The following ANKRD30A variants were observed in gnomAD, a reference collection of about 807,000 sequenced individuals.
The protein encoded by ANKRD30A is ankyrin repeat domain-containing protein 30A.
ANKRD30A carries 170 observed loss-of-function variants against 166.3 expected under a neutral mutation model. That is an observed-to-expected ratio of 1.02 (90% CI 0.90 to 1.16). The LOEUF is 1.16. Ranked by LOEUF, ANKRD30A falls within the 50% of genes most tolerant of loss-of-function variation. The pLI is 0.00. For missense variants in ANKRD30A, 1,630 were observed against 1,518.0 expected, an observed-to-expected ratio of 1.07 and a Z score of -1.23; for synonymous variants, 564 against 508.9, an observed-to-expected ratio of 1.11 and a Z score of -1.46.
the ANKRD30A span, chr10:37,248,308 A>G: frequency 2.2e-6 from 1 of 447,370 alleles, no homozygotes; most frequent in Non-Finnish European, 4.4e-6. Flanking sequence ...AGTTCTGGTC[A>G]TCTGCCTATG....
At chr10:37,246,993 G>T in the ANKRD30A span, among the ~76,000 whole-genome samples, 2 of 152,098 alleles carry the variant, frequency 1.3e-5, no homozygotes, top group Non-Finnish European at 2.9e-5. Context: ...GACCGAGGTG[G>T]GTGGATCACT....
At chr10:37,238,327 A>T in the ANKRD30A span, among the ~76,000 whole-genome samples, 1 of 152,062 alleles carries the variant, frequency 6.6e-6, no homozygotes, top group South Asian at 2.1e-4. Flanking sequence ...CCATTTATTT[A>T]TTTTTTTAAA....
intron 13 of ANKRD30A, among the ~76,000 whole-genome samples, chr10:37,158,049 A>G (rs1838519151): frequency 6.6e-6 from 1 of 152,072 alleles, no homozygotes; most frequent in African/African-American, 2.4e-5. Flanking sequence ...GGGGTGTGGC[A>G]TGACTTGGTC....
At chr10:37,161,703 A>G (rs536002847) in intron 15 of ANKRD30A, among the ~76,000 whole-genome samples, 1 of 152,208 alleles carries the variant, frequency 6.6e-6, no homozygotes, top group Non-Finnish European at 1.5e-5. Context: ...CTCTGTTACA[A>G]TCAGGGAAGA....
intron 13 of ANKRD30A, among the ~76,000 whole-genome samples, chr10:37,154,808 C>A (rs541320476): frequency 3.9e-5 from 6 of 152,084 alleles, no homozygotes; most frequent in Non-Finnish European, 5.9e-5. Context: ...CTGCAGAATG[C>A]TAGAGTGTGG....
intron 18 of ANKRD30A, among the ~76,000 whole-genome samples, chr10:37,165,639 G>A (rs1241674403): frequency 6.6e-6 from 1 of 152,030 alleles, no homozygotes; most frequent in Non-Finnish European, 1.5e-5. Flanking sequence ...AGATCTGAAG[G>A]AACATTTCAG....
chr10:37,258,198 C>T, the ANKRD30A span, among the ~76,000 whole-genome samples: 1 of 152,092 alleles, frequency 6.6e-6, no homozygotes, highest in Non-Finnish European at 1.5e-5. Flanking sequence ...CAGAAAGATT[C>T]TATATTGTAA....
the ANKRD30A span, among the ~76,000 whole-genome samples, chr10:37,258,839 T>G: frequency 6.6e-6 from 1 of 151,420 alleles, no homozygotes; most frequent in East Asian, 2.0e-4. Flanking sequence ...GGTGGACACC[T>G]GTAGTCCCAG....
At chr10:37,235,371 A>G (rs1160032238), downstream of ANKRD30A, among the ~76,000 whole-genome samples, 2 of 152,162 alleles carry the variant, frequency 1.3e-5, no homozygotes, top group Non-Finnish European at 2.9e-5. Context: ...CAAACCACCA[A>G]GTATAATTGC....
intron 25 of ANKRD30A, among the ~76,000 whole-genome samples, chr10:37,192,156 G>A: frequency 6.6e-6 from 1 of 151,918 alleles, no homozygotes; most frequent in East Asian, 1.9e-4. Context: ...GGCACCTCAG[G>A]CACCCAAGTA....
intron 31 of ANKRD30A, among the ~76,000 whole-genome samples, chr10:37,211,542 A>C (rs1356783491): frequency 1.1e-3 from 157 of 142,866 alleles, no homozygotes; most frequent in African/African-American, 1.3e-3. Flanking sequence ...ATTGTTGGAC[A>C]TTTGTGTTGG....
At chr10:37,232,904 A>T (rs544517435), downstream of ANKRD30A, among the ~76,000 whole-genome samples, 1 of 149,706 alleles carries the variant, frequency 6.7e-6, no homozygotes, top group African/African-American at 2.4e-5. Flanking sequence ...AAAAAAAAAA[A>T]AAACAAAATA....
intron 25 of ANKRD30A, 111 bp from the exon 26 acceptor site, chr10:37,192,953 C>A (rs1840722638): frequency 2.7e-6 from 4 of 1,469,274 alleles, no homozygotes; most frequent in Non-Finnish European, 3.8e-6. Context: ...TAGTGTAATC[C>A]CTTTTGCAAT....
At chr10:37,193,344 T>G (rs1441974721) in intron 27 of ANKRD30A, 86 bp downstream of exon 27, 1 of 1,418,972 alleles carries the variant, frequency 7.0e-7, no homozygotes, top group Non-Finnish European at 9.6e-7. Flanking sequence ...CCCAATGTTG[T>G]TTTCTATTCA....
chr10:37,237,346 A>T (rs1454768565), downstream of ANKRD30A, among the ~76,000 whole-genome samples: 1 of 152,180 alleles, frequency 6.6e-6, no homozygotes, highest in East Asian at 1.9e-4. Flanking sequence ...GAAGAACAGA[A>T]CTTTTTTTAA....
intron 27 of ANKRD30A, among the ~76,000 whole-genome samples, chr10:37,194,055 T>C (rs1344028081): frequency 3.3e-5 from 5 of 151,702 alleles, no homozygotes; most frequent in Non-Finnish European, 7.4e-5. Context: ...AAGTAGCCGG[T>C]TGTGGTGGTG....
chr10:37,238,187 C>G, the ANKRD30A span, among the ~76,000 whole-genome samples: 1 of 152,102 alleles, frequency 6.6e-6, no homozygotes, highest in Non-Finnish European at 1.5e-5. Flanking sequence ...GACCTGGTAT[C>G]ACTTTCTCAA....
At position 37,219,392 on chromosome 10, in the gene ANKRD30A, G is replaced by T; in HGVS notation, c.3680G>T (p.Gly1227Val). The T allele has an allele frequency of 6.2e-7, 1 of 1,610,576 alleles. No individual in the cohort carries two copies. The highest frequency in any genetic ancestry group is 8.5e-7 in the Non-Finnish European group (1 of 1,177,772). Residue 1227 changes from glycine to valine, a missense_variant, in exon 34 of 36, where the codon GGA becomes GTA. This residue lies in a region of ANKRD30A where 712 missense variants were observed against 629.3 expected (regional missense o/e 1.13). Coordinates refer to ENST00000361713, the MANE Select transcript of ANKRD30A (RefSeq NM_052997.3). ...KSQEPAFHIA[G>V]DACLQRKMNV... ...CAAGAACCTGCTTTCCACATTGCAGGAGATGCTTGTTTGCAAAGAAAAATG... is the reference window on the plus strand; with the variant it reads ...CAAGAACCTGCTTTCCACATTGCAGTAGATGCTTGTTTGCAAAGAAAAATG...
In ANKRD30A at chr10:37,149,718, A is replaced by T. The variant is rs745513666; in HGVS notation, c.1572+39A>T. On this transcript the variant is annotated intron_variant, in intron 10 of 35. Coordinates refer to ENST00000361713, the MANE Select transcript of ANKRD30A (RefSeq NM_052997.3). The stretch of plus-strand genomic sequence containing the variant: ...TTATTTCATTTTGAATGACTTATTA[A>T]TTATGTATTTGTGAAGTATACATTC... 15 of 1,611,728 alleles carry T rather than the reference A, an allele frequency of 9.3e-6. No homozygotes were observed. The African/African-American group carries it at 9.4e-5, about 10-fold the overall frequency.
Sources: allele counts gnomAD v4.1 joint callset (sites outside exome capture counted in the v4.1 genomes callset), GRCh38; gene constraint gnomAD v4.1.1; regional missense constraint gnomAD v4.1.1; transcripts MANE v1.5; gene names NCBI Gene and HGNC (gene_info 2026-07-23, HGNC 2026-07-21).